SQOR: variants seen among roughly 807,000 people sequenced by gnomAD.
SQOR encodes sulfide:quinone oxidoreductase, mitochondrial.
A neutral mutation model predicts 48.6 loss-of-function variants in SQOR; 39 were observed. The observed-to-expected ratio is 0.80, with a 90% CI of 0.62 to 1.05. The LOEUF (loss-of-function observed/expected upper bound fraction) is 1.05. Among genes scored for constraint, SQOR ranks in the 50% least tolerant of loss-of-function variants. The probability of loss-of-function intolerance (pLI) is 0.00; values close to 1 mark genes in which losing one functional copy is unlikely to be tolerated. For missense variants in SQOR, 561 were observed against 559.9 expected (o/e 1.00, Z -0.02); for synonymous variants, 220 against 206.2 (o/e 1.07, Z -0.57).
chr15:45,670,330 G>A (rs567306964), intron 4 of SQOR, among the ~76,000 whole-genome samples: 4 of 152,330 alleles, frequency 2.6e-5, no homozygotes, highest in African/African-American at 9.6e-5. Context: ...TTTGGAAGTA[G>A]GGTTTAGATT....
intron 4 of SQOR, among the ~76,000 whole-genome samples, chr15:45,672,916 G>A (rs1351760404): frequency 2.6e-5 from 4 of 151,218 alleles, no homozygotes; most frequent in African/African-American, 9.7e-5. Context: ...TCAGCTGGAG[G>A]GCTTGTTAAA....
At chr15:45,679,860 G>A (rs1274566902) in intron 6 of SQOR, among the ~76,000 whole-genome samples, 1 of 152,144 alleles carries the variant, frequency 6.6e-6, no homozygotes, top group East Asian at 1.9e-4. Flanking sequence ...GCTTTACCCA[G>A]ATCTACTAGA....
chr15:45,662,219 G>T, intron 3 of SQOR, 94 bp downstream of exon 3: 2 of 1,350,768 alleles, frequency 1.5e-6, no homozygotes, highest in Non-Finnish European at 2.1e-6. Flanking sequence ...TGAAAGAGCG[G>T]TATATATGCA....
intron 3 of SQOR, among the ~76,000 whole-genome samples, chr15:45,665,873 C>T (rs375286313): frequency 1.3e-5 from 2 of 152,160 alleles, no homozygotes; most frequent in Non-Finnish European, 2.9e-5. Flanking sequence ...TGTGAGCCAC[C>T]GTGCCCAGCC....
Position 45,684,423 on chromosome 15 carries a change from A to T in SQOR, c.1048+1762A>T, listed in dbSNP as rs527576039. Among the ~76,000 whole-genome samples, 15 of 152,164 alleles carry T rather than the reference A, an allele frequency of 9.9e-5. No individual in the cohort carries two copies. The East Asian group carries it at 2.9e-3, about 29-fold the overall frequency. Reference sequence around the variant, plus strand: ...CCAGTTACCTTGTAGAATACCCCAAAATTTAGAATTGTCTAGTTGCTTTCT... The same window carrying T: ...CCAGTTACCTTGTAGAATACCCCAATATTTAGAATTGTCTAGTTGCTTTCT... On this transcript the variant is annotated intron_variant, in intron 7 of 9. Transcript: ENST00000260324.
intron 1 of SQOR, among the ~76,000 whole-genome samples, chr15:45,653,475 G>A (rs1889535294): frequency 6.6e-6 from 1 of 152,174 alleles, no homozygotes; most frequent in Non-Finnish European, 1.5e-5. Flanking sequence ...TAGCAGGGTG[G>A]TGCAGAGCTT....
intron 1 of SQOR, among the ~76,000 whole-genome samples, chr15:45,636,719 T>C (rs766855097): frequency 1.3e-5 from 2 of 152,202 alleles, no homozygotes; most frequent in African/African-American, 2.4e-5. Context: ...GTGATTTCTA[T>C]TGGTGACAAA....
chr15:45,681,752 A>G (rs1416899644), intron 6 of SQOR, among the ~76,000 whole-genome samples: 5 of 152,180 alleles, frequency 3.3e-5, no homozygotes, highest in Admixed American at 2.0e-4. Context: ...ACATAAACAA[A>G]AAAATTAAAT....
At chr15:45,675,411 TG>T (rs753545060) in intron 5 of SQOR, among the ~76,000 whole-genome samples, 1 of 151,732 alleles carries the variant, frequency 6.6e-6, no homozygotes, top group Non-Finnish European at 1.5e-5. Context: ...TTTTTTTTTT[TG>T]GAGACAGAAT....
At chr15:45,667,941 C>CTTTTTTTTTTTTTTTTTTTTTTTTTTT (rs1204451548) in intron 3 of SQOR, among the ~76,000 whole-genome samples, 5 of 103,276 alleles carry the variant, frequency 4.8e-5, no homozygotes, top group South Asian at 3.6e-4. Context: ...TTCTTTCTTT[C>CTTTTTTTTTTTTTTTTTTTTTTTTTTT]TTTTTTTTTT....
Position 45,689,052 on chromosome 15 carries a change from C to T in SQOR, c.1130C>T (p.Thr377Ile). 1 of 1,614,016 alleles carries T rather than the reference C, an allele frequency of 6.2e-7. No homozygotes were observed. The highest frequency in any genetic ancestry group is 2.2e-5 in the East Asian group (1 of 44,882). Residue 377 changes from threonine to isoleucine, a missense_variant, in exon 9 of 10, where the codon ACA becomes ATA. Coordinates refer to ENST00000260324, the MANE Select transcript of SQOR (RefSeq NM_021199.4). ...QTPTKKYDGY[T>I]SCPLVTGYNR... ...TTACAATTTTAGTATGATGGCTACACATCATGTCCACTGGTGACCGGCTAC... is the reference window on the plus strand; with the variant it reads ...TTACAATTTTAGTATGATGGCTACATATCATGTCCACTGGTGACCGGCTAC...
At chr15:45,668,912 A>G (rs1460061445) in intron 3 of SQOR, among the ~76,000 whole-genome samples, 3 of 152,156 alleles carry the variant, frequency 2.0e-5, no homozygotes, top group African/African-American at 7.2e-5. Flanking sequence ...CATGCTACTT[A>G]TGCATACAAT....
chr15:45,661,749 A>G (rs1398829302), intron 2 of SQOR, among the ~76,000 whole-genome samples: 1 of 152,216 alleles, frequency 6.6e-6, no homozygotes, highest in Non-Finnish European at 1.5e-5. Context: ...TGATCTTGGA[A>G]GAATTCTTGT....
chr15:45,662,157 A>G lies in SQOR; in HGVS notation c.405+32A>G, dbSNP rs145161599. ...ACTGAGGCCTTTAGATTTTTTGTTAATCTGACAGCTTGTATTAATATGCAG... is the reference window on the plus strand; with the variant it reads ...ACTGAGGCCTTTAGATTTTTTGTTAGTCTGACAGCTTGTATTAATATGCAG... On this transcript the variant is annotated intron_variant, in intron 3 of 9. Coordinates refer to ENST00000260324, the MANE Select transcript of SQOR (RefSeq NM_021199.4). 3.1e-4 allele frequency: 505 copies of G among 1,607,232 alleles called. 1 individual carries two copies. Among genetic ancestry groups the G allele is most frequent in the African/African-American group, 2.7e-3 (200 of 74,892 alleles).
intron 1 of SQOR, among the ~76,000 whole-genome samples, chr15:45,640,225 C>G (rs1003776501): frequency 4.6e-5 from 7 of 152,214 alleles, no homozygotes; most frequent in African/African-American, 1.4e-4. Flanking sequence ...GTTATTAGAA[C>G]AAGCGTCCCC....
At chr15:45,641,942 C>G (rs1895112173) in intron 1 of SQOR, among the ~76,000 whole-genome samples, 1 of 152,174 alleles carries the variant, frequency 6.6e-6, no homozygotes, top group South Asian at 2.1e-4. Context: ...CATCTCTGTT[C>G]CCATTCAGAC....
chr15:45,680,662 C>T (rs1890111106), intron 6 of SQOR, among the ~76,000 whole-genome samples: 1 of 151,996 alleles, frequency 6.6e-6, no homozygotes, highest in Non-Finnish European at 1.5e-5. Flanking sequence ...GCGATCTGCC[C>T]ACCTTGGCCC....
At chr15:45,653,375 A>G (rs1171885742) in intron 1 of SQOR, among the ~76,000 whole-genome samples, 2 of 151,490 alleles carry the variant, frequency 1.3e-5, no homozygotes, top group African/African-American at 4.9e-5. Context: ...TACTCAAAGA[A>G]CTCAGGGGAA....
In SQOR at chr15:45,669,927, G is replaced by A. The variant is rs1183738211; in HGVS notation, c.406-1G>A. 6.2e-7 allele frequency: 1 copy of A among 1,613,900 alleles called. No homozygotes were observed. Among genetic ancestry groups the A allele is most frequent in the Non-Finnish European group, 8.5e-7 (1 of 1,179,806 alleles). On this transcript the variant is annotated splice_acceptor_variant, in intron 3 of 9. Coordinates refer to ENST00000260324, the MANE Select transcript of SQOR (RefSeq NM_021199.4). LOFTEE classifies it high-confidence loss of function. The stretch of plus-strand genomic sequence containing the variant: ...TAAAATAATGTCTTTTTGTGTTGCA[G>A]ATCTCCTACCGATATCTTATTATTG...
Sources: gnomAD v4.1 joint callset for allele counts (sites outside exome capture counted in the v4.1 genomes callset) on GRCh38, gnomAD v4.1.1 for gene constraint, MANE v1.5 for transcripts, NCBI Gene and HGNC (gene_info 2026-07-23, HGNC 2026-07-21) for gene names.